Variants in ZNF804B observed in about 807,000 individuals in gnomAD.
ZNF804B encodes zinc finger protein 804B, also known as zinc finger 804B.
Under a neutral mutation model 101.4 loss-of-function variants are expected in ZNF804B, and 80 were observed. The ratio of observed to expected loss-of-function variants is 0.79; its 90% confidence interval spans 0.66 to 0.95. The LOEUF is 0.95. ZNF804B is among the 40% of genes least tolerant of loss of function. The pLI, the probability that ZNF804B is intolerant of heterozygous loss-of-function variation, is 0.00. For synonymous variants in ZNF804B, 622 were observed against 558.8 expected (o/e 1.11, Z -1.59); for missense variants, 1,673 against 1,561.9 (o/e 1.07, Z -1.20).
intron 1 of ZNF804B, among the ~76,000 whole-genome samples, chr7:88,977,395 G>A (rs753025891): frequency 6.6e-6 from 1 of 151,252 alleles, no homozygotes; most frequent in African/African-American, 2.4e-5. Flanking sequence ...TTTGATGGTA[G>A]ACTTTTTAGT....
chr7:88,867,508 T>C (rs532424052), intron 1 of ZNF804B, among the ~76,000 whole-genome samples: 1 of 152,206 alleles, frequency 6.6e-6, no homozygotes, highest in Non-Finnish European at 1.5e-5. Flanking sequence ...GCTTCACTAA[T>C]TGAATGGTGC....
chr7:88,939,375 A>G (rs1249979068), intron 1 of ZNF804B, among the ~76,000 whole-genome samples: 2 of 151,946 alleles, frequency 1.3e-5, no homozygotes, highest in African/African-American at 2.4e-5. Context: ...TATTTTTAAT[A>G]TTTTTAATCT....
At chr7:88,800,550 C>T (rs1261661194) in intron 1 of ZNF804B, among the ~76,000 whole-genome samples, 1 of 151,978 alleles carries the variant, frequency 6.6e-6, no homozygotes, top group African/African-American at 2.4e-5. Context: ...ATCCCCATGA[C>T]TATGTTTAGT....
intron 2 of ZNF804B, among the ~76,000 whole-genome samples, chr7:89,245,349 A>G (rs1020047337): frequency 6.6e-6 from 1 of 152,212 alleles, no homozygotes; most frequent in Admixed American, 6.5e-5. Flanking sequence ...GAAATTTCAC[A>G]GAATTTCTCA....
intron 2 of ZNF804B, among the ~76,000 whole-genome samples, chr7:89,280,530 A>G (rs1475263024): frequency 6.6e-6 from 1 of 152,184 alleles, no homozygotes; most frequent in Non-Finnish European, 1.5e-5. Context: ...ATGAAGAAAA[A>G]GAGAAGAATC....
At chr7:88,946,816 T>G (rs962807689) in intron 1 of ZNF804B, among the ~76,000 whole-genome samples, 4 of 151,916 alleles carry the variant, frequency 2.6e-5, no homozygotes, top group Admixed American at 6.6e-5. Flanking sequence ...TGATTCTTCC[T>G]GGTTTAGTCT....
chr7:89,286,314 C>T (rs1197917869), intron 2 of ZNF804B, among the ~76,000 whole-genome samples: 2 of 152,098 alleles, frequency 1.3e-5, no homozygotes, highest in South Asian at 2.1e-4. Flanking sequence ...AAGAAAAAAG[C>T]TGTCAACAGT....
rs1041032614 is a variant in ZNF804B at position 89,220,144 on chromosome 7, T to C, written c.249+1849T>C. Among the ~76,000 whole-genome samples, 7 of 61,230 alleles carry C rather than the reference T, an allele frequency of 1.1e-4. 2 individuals are homozygous for C. The highest frequency in any genetic ancestry group is 5.1e-4 in the East Asian group (2 of 3,928). The allele number at this position is 61,230 out of a possible 152,430, so 40.2% of individuals were successfully genotyped here. ...ATATATACGCACACATATATGTGTG[T>C]ATATACATATATATATACGCACATA... On this transcript the variant is annotated intron_variant, in intron 2 of 3. Transcript: ENST00000333190.
chr7:89,137,865 T>A (rs1790659929), intron 1 of ZNF804B, among the ~76,000 whole-genome samples: 1 of 151,988 alleles, frequency 6.6e-6, no homozygotes, highest in African/African-American at 2.4e-5. Flanking sequence ...AGAGGCCTAG[T>A]AGAAAAGCAT....
intron 2 of ZNF804B, 139 bp from the exon 3 acceptor site, chr7:89,327,205 C>A: frequency 1.4e-6 from 1 of 715,734 alleles, no homozygotes; most frequent in Non-Finnish European, 2.1e-6. Flanking sequence ...AGAATAGCAA[C>A]AATGGAGAAG....
intron 1 of ZNF804B, among the ~76,000 whole-genome samples, chr7:89,116,621 CAAAT>C (rs774795042): frequency 1.3e-5 from 2 of 152,174 alleles, no homozygotes; most frequent in Non-Finnish European, 2.9e-5. Flanking sequence ...CCTTTCTCAA[CAAAT>C]AGTCTGGTTT....
chr7:89,098,525 G>C (rs1790002985), intron 1 of ZNF804B, among the ~76,000 whole-genome samples: 1 of 152,032 alleles, frequency 6.6e-6, no homozygotes, highest in Non-Finnish European at 1.5e-5. Flanking sequence ...TCCCACTTCA[G>C]CCTCCCAAAG....
intron 1 of ZNF804B, among the ~76,000 whole-genome samples, chr7:88,977,566 A>C (rs1584050211): frequency 1.3e-5 from 2 of 151,528 alleles, no homozygotes; most frequent in South Asian, 4.2e-4. Context: ...TGAGCCTTTG[A>C]ATTTTTGCAA....
At chr7:88,773,190 C>T (rs899581830) in intron 1 of ZNF804B, among the ~76,000 whole-genome samples, 1 of 152,132 alleles carries the variant, frequency 6.6e-6, no homozygotes, top group Non-Finnish European at 1.5e-5. Flanking sequence ...GGGAGCTCAG[C>T]CCTCAGGAAC....
intron 1 of ZNF804B, among the ~76,000 whole-genome samples, chr7:88,949,116 T>G (rs543843908): frequency 6.6e-6 from 1 of 152,034 alleles, no homozygotes; most frequent in East Asian, 2.0e-4. Context: ...TCTTTACAAC[T>G]ACTTTTCCAC....
rs572955847 is a variant in ZNF804B, at chr7:88,759,819, C to A, written c.-158C>A. ...TCGGCAGCAGGAGCCCCGCACGGGG[C>A]GCGGAGCAGGGACGCGCTGCCACCG... On this transcript the variant is annotated 5_prime_UTR_variant, in exon 1 of 4. Coordinates refer to ENST00000333190, the MANE Select transcript of ZNF804B (RefSeq NM_181646.5). 3 of 622,228 alleles carry A rather than the reference C, an allele frequency of 4.8e-6. No homozygotes were observed. Among genetic ancestry groups the A allele is most frequent in the Admixed American group, 5.7e-5 (2 of 35,138 alleles). The allele number at this position is 622,228 out of a possible 1,614,324, so 38.5% of individuals were successfully genotyped here.
intron 1 of ZNF804B, among the ~76,000 whole-genome samples, chr7:88,895,441 T>C (rs562083778): frequency 6.8e-4 from 103 of 152,342 alleles, no homozygotes; most frequent in African/African-American, 2.3e-3. Flanking sequence ...CCTAGCAATA[T>C]TTATAGGTAT....
intron 1 of ZNF804B, among the ~76,000 whole-genome samples, chr7:88,912,213 A>C (rs989189310): frequency 9.2e-5 from 14 of 152,102 alleles, no homozygotes; most frequent in East Asian, 7.7e-4. Flanking sequence ...TACTCATTGT[A>C]GTCTTTTGTA....
At chr7:89,054,907 A>G (rs1789267272) in intron 1 of ZNF804B, among the ~76,000 whole-genome samples, 1 of 152,090 alleles carries the variant, frequency 6.6e-6, no homozygotes, top group Admixed American at 6.6e-5. Context: ...TGTTCAAGGC[A>G]TTGATACTTA....
Sources: gnomAD v4.1 joint callset for allele counts (sites outside exome capture counted in the v4.1 genomes callset) on GRCh38, gnomAD v4.1.1 for gene constraint, MANE v1.5 for transcripts, NCBI Gene and HGNC (gene_info 2026-07-23, HGNC 2026-07-21) for gene names.